SEPTIN10: variants seen among roughly 807,000 people sequenced by gnomAD.
SEPTIN10 encodes the protein septin 10.
Under a neutral mutation model 54.8 loss-of-function variants are expected in SEPTIN10, and 66 were observed. The observed-to-expected ratio is 1.21, with a 90% confidence interval of 0.99 to 1.48. The LOEUF (loss-of-function observed/expected upper bound fraction) is 1.48, where lower values mean the gene tolerates loss of function less well. SEPTIN10 is among the 40% of genes most tolerant of loss of function. The pLI is 0.00. For missense variants in SEPTIN10, 620 were observed against 545.6 expected (o/e 1.14, Z -1.36); for synonymous variants, 161 against 181.0 (o/e 0.89, Z 0.89).
chr2:109,552,885 T>A (rs1683338261), intron 9 of SEPTIN10: 44 of 544,762 alleles, frequency 8.1e-5, no homozygotes, highest in South Asian at 5.5e-4. Flanking sequence ...TGTACTGCTT[T>A]AAAAAAAAAG....
chr2:109,583,981 GACT>G, intron 4 of SEPTIN10, among the ~76,000 whole-genome samples: 1 of 152,200 alleles, frequency 6.6e-6, no homozygotes, highest in East Asian at 1.9e-4. Context: ...CAGACACTGG[GACT>G]ACTAGAGTGG....
intron 1 of SEPTIN10, chr2:109,613,281 T>G: frequency 1.2e-6 from 1 of 809,614 alleles, no homozygotes; most frequent in Non-Finnish European, 1.7e-6. Context: ...TACAAAAGAG[T>G]CAAGGCGGGA....
At chr2:109,570,471 T>C (rs971019333) in intron 5 of SEPTIN10, among the ~76,000 whole-genome samples, 10 of 151,506 alleles carry the variant, frequency 6.6e-5, no homozygotes, top group Admixed American at 2.6e-4. Flanking sequence ...AGAAAAATAA[T>C]ACAAATTTTA....
intron 9 of SEPTIN10, among the ~76,000 whole-genome samples, chr2:109,550,072 C>T (rs553795167): frequency 2.0e-5 from 3 of 151,930 alleles, no homozygotes; most frequent in Non-Finnish European, 2.9e-5. Flanking sequence ...AGGCGGATAA[C>T]GTGAGGTCAG....
chr2:109,595,527 C>T (rs1695130056), intron 1 of SEPTIN10, among the ~76,000 whole-genome samples: 1 of 152,088 alleles, frequency 6.6e-6, no homozygotes, highest in Non-Finnish European at 1.5e-5. Context: ...CCCCTGGAAA[C>T]AAACAGTGGT....
At chr2:109,588,169 C>CA (rs1444423804) in intron 2 of SEPTIN10, among the ~76,000 whole-genome samples, 1 of 151,016 alleles carries the variant, frequency 6.6e-6, no homozygotes, top group African/African-American at 2.4e-5. Flanking sequence ...AAAATGAAGG[C>CA]AAAATGAAGA....
chr2:109,610,029 A>G (rs1698904678), intron 1 of SEPTIN10, among the ~76,000 whole-genome samples: 1 of 152,080 alleles, frequency 6.6e-6, no homozygotes, highest in Non-Finnish European at 1.5e-5. Context: ...GGACAATATG[A>G]CACAGAGCAG....
At chr2:109,579,720 C>T (rs1233611297) in intron 4 of SEPTIN10, among the ~76,000 whole-genome samples, 1 of 151,758 alleles carries the variant, frequency 6.6e-6, no homozygotes, top group African/African-American at 2.4e-5. Context: ...ACCAAACATT[C>T]CAGGGAAAAA....
intron 8 of SEPTIN10, among the ~76,000 whole-genome samples, chr2:109,554,212 A>G (rs1247307726): frequency 6.6e-6 from 1 of 152,140 alleles, no homozygotes; most frequent in Non-Finnish European, 1.5e-5. Context: ...AAATCAGGGA[A>G]TAGATGTTTG....
At chr2:109,606,606 A>T (rs1698026707) in intron 1 of SEPTIN10, among the ~76,000 whole-genome samples, 1 of 151,934 alleles carries the variant, frequency 6.6e-6, no homozygotes, top group Admixed American at 6.6e-5. Flanking sequence ...TAGGCCACTA[A>T]AAGTTGAAAA....
rs775001002 is a variant in SEPTIN10, at chr2:109,585,172, T to C, written c.367A>G (p.Ile123Val). 1.2e-6 allele frequency: 2 copies of C among 1,609,024 alleles called. No homozygotes were observed. The highest frequency in any genetic ancestry group is 1.7e-5 in the Admixed American group (1 of 59,168). ...TCACCAAATCCCACTGTATTCACAA[T>C]GGTCAATTTCAATTGAACATTACTT... ...QESNVQLKLT[I>V]VNTVGFGDQI... The change falls in exon 4 of 11, where the codon ATT becomes GTT. Residue 123 changes from isoleucine (I) to valine (V), a missense_variant. Coordinates refer to ENST00000397712, the MANE Select transcript of SEPTIN10 (RefSeq NM_144710.5).
rs993183231 is a variant in SEPTIN10 at position 109,544,738 on chromosome 2, TAA to T, written c.1350-416_1350-415del. The T allele has an allele frequency of 2.7e-5, 23 of 841,294 alleles. No individual in the cohort carries two copies. In the African/African-American group the frequency reaches 4.2e-4, roughly 15 times the overall value. 52.1% of individuals were successfully genotyped at this position (841,294 alleles called of 1,614,324 possible). ...GTAATAAATTTATAGTTTATCTTTC[TAA>T]ATTCAATGCTTGAATAAAATACAGC... On this transcript the variant is annotated intron_variant, in intron 10 of 10. Transcript: ENST00000397712.
chr2:109,569,564 A>C (rs1222689834), intron 5 of SEPTIN10, among the ~76,000 whole-genome samples: 3 of 152,168 alleles, frequency 2.0e-5, no homozygotes, highest in African/African-American at 7.2e-5. Context: ...CAAGGAGAGA[A>C]ATTTTTTCTG....
At chr2:109,613,133 G>C (rs1186673817) in intron 1 of SEPTIN10, 1 of 1,277,400 alleles carries the variant, frequency 7.8e-7, no homozygotes, top group South Asian at 1.2e-5. Context: ...TGGAAAACTC[G>C]ATGTACACGA....
At chr2:109,550,312 T>TC (rs2104699719) in intron 9 of SEPTIN10, among the ~76,000 whole-genome samples, 1 of 142,092 alleles carries the variant, frequency 7.0e-6, no homozygotes, top group African/African-American at 2.6e-5. Flanking sequence ...AAAAAGTATC[T>TC]TTTTTTTTTT....
At chr2:109,556,678 C>T (rs1231882445) in intron 8 of SEPTIN10, among the ~76,000 whole-genome samples, 1 of 151,986 alleles carries the variant, frequency 6.6e-6, no homozygotes, top group Non-Finnish European at 1.5e-5. Flanking sequence ...AAAGAAGCCC[C>T]TATATTTATC....
intron 7 of SEPTIN10, among the ~76,000 whole-genome samples, chr2:109,565,527 C>T (rs778113198): frequency 2.6e-5 from 4 of 152,114 alleles, no homozygotes; most frequent in African/African-American, 4.8e-5. Context: ...CAGAGTGCCC[C>T]ACTGGTGTTT....
Position 109,564,417 on chromosome 2 carries a change from T to C in SEPTIN10, c.977A>G (p.Lys326Arg). 4 of 1,595,766 alleles carry C rather than the reference T, an allele frequency of 2.5e-6. No individual in the cohort carries two copies. Among genetic ancestry groups the C allele is most frequent in the Non-Finnish European group, 3.4e-6 (4 of 1,168,596 alleles). The change falls in exon 8 of 11, where the codon AAA becomes AGA. Residue 326 changes from lysine to arginine, a missense_variant. Lys to Arg is a conservative substitution (Grantham distance 26). Transcript: ENST00000397712. ...ATCTGTAAAGCCCATTTCCTCCAGT[T>C]TGCAGCGCCTGTAAAGCTCATAGTG... ...TRHYELYRRCKLEEMGFTDVG... is the reference protein window; with the variant it reads ...TRHYELYRRCRLEEMGFTDVG...
intron 1 of SEPTIN10, among the ~76,000 whole-genome samples, chr2:109,599,344 G>C (rs58777819): frequency 6.6e-6 from 1 of 151,120 alleles, no homozygotes; most frequent in African/African-American, 2.4e-5. Flanking sequence ...TGTAATCCCA[G>C]TTACTTGGGA....
Sources: allele counts gnomAD v4.1 joint callset (sites outside exome capture counted in the v4.1 genomes callset), GRCh38; gene constraint gnomAD v4.1.1; transcripts MANE v1.5; gene names NCBI Gene and HGNC (gene_info 2026-07-23, HGNC 2026-07-21).